RGS22: variants seen among roughly 807,000 people sequenced by gnomAD.
RGS22 encodes the protein regulator of G protein signaling 22.
In RGS22, 148 loss-of-function variants were observed where a neutral mutation model predicts 172.9. The ratio of observed to expected loss-of-function variants is 0.86; its 90% confidence interval spans 0.75 to 0.98. RGS22 has a LOEUF of 0.98. Ranked by LOEUF, RGS22 falls within the 50% of genes least tolerant of loss-of-function variation. RGS22 has a pLI of 0.00. For synonymous variants in RGS22, 458 were observed against 480.2 expected, an observed-to-expected ratio of 0.95 and a Z score of 0.60; for missense variants, 1,347 against 1,440.8, an observed-to-expected ratio of 0.93 and a Z score of 1.05.
chr8:100,098,912 T>C lies in RGS22; in HGVS notation c.55-5403A>G, dbSNP rs959343988. 1.3e-4 allele frequency among the ~76,000 whole-genome samples: 16 copies of C among 121,232 alleles called. No individual in the cohort carries two copies. The East Asian group carries it at 3.2e-3, about 24-fold the overall frequency. The allele number at this position is 121,232 out of a possible 152,430, so 79.5% of individuals were successfully genotyped here. ...TTTTATTTTATTTTATTTTATTTTA[T>C]TTTATTTTATTTTATTTATTTTTTA... On this transcript the variant is annotated intron_variant, in intron 2 of 27. Coordinates refer to ENST00000360863, the MANE Select transcript of RGS22 (RefSeq NM_015668.5).
At position 100,106,010 on chromosome 8, in the gene RGS22, G is replaced by A. The variant is rs1813916812; in HGVS notation, c.-89C>T. The A allele has an allele frequency of 4.6e-5, 55 of 1,202,050 alleles. No homozygotes were observed. The highest frequency in any genetic ancestry group is 5.5e-5 in the Non-Finnish European group (53 of 969,374). The allele number at this position is 1,202,050 out of a possible 1,614,324, so 74.5% of individuals were successfully genotyped here. ...GCGCGGGTCAGGGCCTGAGCGACGC[G>A]GCGACGGCGCGCGGGCTCCGGAGCT... On this transcript the variant is annotated 5_prime_UTR_variant, in exon 1 of 28. Coordinates refer to ENST00000360863, the MANE Select transcript of RGS22 (RefSeq NM_015668.5).
chr8:100,032,830 G>C (rs1349060864), intron 14 of RGS22, among the ~76,000 whole-genome samples: 1 of 152,166 alleles, frequency 6.6e-6, no homozygotes, highest in Admixed American at 6.5e-5. Flanking sequence ...TCAGACCACA[G>C]TGCAATCAAA....
At chr8:100,093,389 T>C in intron 3 of RGS22, 58 bp downstream of exon 3, 2 of 996,738 alleles carry the variant, frequency 2.0e-6, no homozygotes, top group Non-Finnish European at 3.0e-6. Flanking sequence ...GATAACCCAG[T>C]GATTAAAATA....
At chr8:99,963,805 G>A (rs1563549109) in intron 24 of RGS22, among the ~76,000 whole-genome samples, 1 of 152,086 alleles carries the variant, frequency 6.6e-6, no homozygotes, top group Non-Finnish European at 1.5e-5. Flanking sequence ...TCAGATTTTG[G>A]TATCTGCAGG....
chr8:100,084,319 C>T (rs1812007224), intron 3 of RGS22, among the ~76,000 whole-genome samples: 1 of 152,148 alleles, frequency 6.6e-6, no homozygotes, highest in Admixed American at 6.5e-5. Context: ...TACTTGAATT[C>T]TGAATGGACC....
At chr8:100,081,507 G>C (rs1811757691) in intron 3 of RGS22, among the ~76,000 whole-genome samples, 1 of 151,806 alleles carries the variant, frequency 6.6e-6, no homozygotes, top group African/African-American at 2.4e-5. Flanking sequence ...AAAAGCCTTA[G>C]GACTAAGAGT....
At chr8:100,075,571 T>C (rs566626327) in intron 4 of RGS22, among the ~76,000 whole-genome samples, 4 of 152,232 alleles carry the variant, frequency 2.6e-5, no homozygotes, top group African/African-American at 7.2e-5. Flanking sequence ...GTATGGTATA[T>C]GTTTAACTTG....
intron 3 of RGS22, among the ~76,000 whole-genome samples, chr8:100,090,319 C>T (rs1228172796): frequency 6.6e-6 from 1 of 152,048 alleles, no homozygotes; most frequent in Non-Finnish European, 1.5e-5. Flanking sequence ...CCAACAATTA[C>T]ATGGTGAGAT....
At chr8:100,004,140 A>G (rs760397035) in intron 16 of RGS22, 42 bp from the exon 17 acceptor site, 45 of 1,518,772 alleles carry the variant, frequency 3.0e-5, no homozygotes, top group Non-Finnish European at 4.0e-5. Context: ...CTTAAACACA[A>G]CAGATTGTTT....
intron 26 of RGS22, 46 bp from the exon 27 acceptor site, chr8:99,962,489 T>A: frequency 1.9e-6 from 3 of 1,587,296 alleles, no homozygotes; most frequent in Non-Finnish European, 2.6e-6. Flanking sequence ...TCTTTCCTCC[T>A]TAGCAGAGGA....
rs764006946 is a variant in RGS22, at chr8:100,093,458, G to T, written c.106C>A (p.Leu36Ile). The T allele has an allele frequency of 1.9e-6, 3 of 1,583,972 alleles. No homozygotes were observed. In the Admixed American group the frequency reaches 5.2e-5, roughly 28 times the overall value. The part of the protein sequence containing the change: ...DFLVDYFNEF[L>I]SLPTFSEAIR... ...AATAATAAACTCACTGGAAGGCTTA[G>T]GAATTCATTAAAGTAGTCTACAAGG... is the stretch of plus-strand genomic sequence containing the variant. The change falls in exon 3 of 28, where the codon CTA becomes ATA. Residue 36 changes from leucine (L) to isoleucine (I), a missense_variant. Physicochemically the swap from Leu to Ile is conservative, Grantham distance 5. Coordinates refer to ENST00000360863, the MANE Select transcript of RGS22 (RefSeq NM_015668.5).
chr8:99,986,161 T>C (rs980795049), intron 21 of RGS22, among the ~76,000 whole-genome samples: 1 of 151,958 alleles, frequency 6.6e-6, no homozygotes, highest in Non-Finnish European at 1.5e-5. Flanking sequence ...GCCCAGCAGG[T>C]CAAGGCTGCA....
rs1313625508 is a variant in RGS22 at position 100,051,652 on chromosome 8, TATATAA to T, written c.1689+1144_1689+1149del. Reference sequence around the variant, plus strand: ...ATATATATTTATATATGTTTATACATATATAAATATATATTTATATATGTTTATACA... The same window carrying T: ...ATATATATTTATATATGTTTATACATATATATATTTATATATGTTTATACA... On this transcript the variant is annotated intron_variant, in intron 10 of 27. Transcript: ENST00000360863. Among the ~76,000 whole-genome samples the T allele has an allele frequency of 2.6e-3, 66 of 25,678 alleles. 9 individuals carry two copies. The highest frequency in any genetic ancestry group is 0.013 in the African/African-American group (58 of 4,504). The allele number at this position is 25,678 out of a possible 152,430, so 16.8% of individuals were successfully genotyped here. A position where few individuals can be genotyped will look rare whatever the true frequency, so the allele number is the denominator to read the frequency against.
chr8:99,983,480 C>T (rs1207531729), intron 21 of RGS22, among the ~76,000 whole-genome samples: 3 of 152,070 alleles, frequency 2.0e-5, no homozygotes, highest in African/African-American at 4.8e-5. Context: ...ATTTTCTGAC[C>T]GTTTAATAAT....
intron 14 of RGS22, 76 bp downstream of exon 14, chr8:100,038,855 G>A (rs780348884): frequency 1.5e-4 from 126 of 827,880 alleles, no homozygotes; most frequent in Non-Finnish European, 2.1e-4. Flanking sequence ...CAGATTTCTC[G>A]TTTGGGACTG....
intron 26 of RGS22, 101 bp from the exon 27 acceptor site, chr8:99,962,544 AT>A: frequency 6.9e-6 from 10 of 1,451,254 alleles, no homozygotes; most frequent in Non-Finnish European, 9.6e-6. Flanking sequence ...ACACGGAGAA[AT>A]TCTCCTAAGT....
intron 2 of RGS22, among the ~76,000 whole-genome samples, chr8:100,096,875 A>G (rs1445252260): frequency 3.3e-5 from 5 of 152,112 alleles, no homozygotes; most frequent in Admixed American, 3.3e-4. Flanking sequence ...AGAGGAAATA[A>G]GATACAGACA....
chr8:99,980,369 T>C (rs1482742853), intron 22 of RGS22, among the ~76,000 whole-genome samples: 1 of 152,234 alleles, frequency 6.6e-6, no homozygotes, highest in Non-Finnish European at 1.5e-5. Context: ...ATGAGTCATG[T>C]TGCAGATCTA....
At chr8:100,039,341 A>T (rs1819856592) in intron 13 of RGS22, among the ~76,000 whole-genome samples, 1 of 151,898 alleles carries the variant, frequency 6.6e-6, no homozygotes, top group South Asian at 2.1e-4. Flanking sequence ...ATTACAGCAG[A>T]ACCAAACATT....
Sources: gnomAD v4.1 joint callset for allele counts (sites outside exome capture counted in the v4.1 genomes callset) on GRCh38, gnomAD v4.1.1 for gene constraint, MANE v1.5 for transcripts, NCBI Gene and HGNC (gene_info 2026-07-23, HGNC 2026-07-21) for gene names.